The following NCKAP5 variants were observed in gnomAD, a reference collection of about 807,000 sequenced individuals.
NCKAP5 encodes nck-associated protein 5.
Under a neutral mutation model 167.0 loss-of-function variants are expected in NCKAP5, and 92 were observed. That is an observed-to-expected ratio of 0.55 (90% CI 0.47 to 0.66). NCKAP5 has a LOEUF of 0.66. NCKAP5 is among the 30% of genes least tolerant of loss of function. NCKAP5 has a pLI of 0.00. For missense variants in NCKAP5, 2,378 were observed against 2,315.0 expected, an observed-to-expected ratio of 1.03 and a Z score of -0.56; for synonymous variants, 891 against 877.4, an observed-to-expected ratio of 1.02 and a Z score of -0.27.
intron 3 of NCKAP5, among the ~76,000 whole-genome samples, chr2:133,305,282 G>T (rs1347252389): frequency 6.6e-6 from 1 of 152,108 alleles, no homozygotes; most frequent in East Asian, 1.9e-4. Flanking sequence ...AGAGACTGAG[G>T]TTCAAATCCT....
At chr2:133,624,822 A>G in the NCKAP5 span, among the ~76,000 whole-genome samples, 1 of 152,188 alleles carries the variant, frequency 6.6e-6, no homozygotes, top group South Asian at 2.1e-4. Context: ...CATATATATC[A>G]TATTCTTTTG....
intron 4 of NCKAP5, among the ~76,000 whole-genome samples, chr2:133,214,657 A>C (rs769659927): frequency 1.3e-5 from 2 of 152,120 alleles, no homozygotes; most frequent in Non-Finnish European, 2.9e-5. Flanking sequence ...ATTGTTCTTT[A>C]AAATAATTGA....
intron 3 of NCKAP5, among the ~76,000 whole-genome samples, chr2:133,305,317 T>C (rs1365497920): frequency 6.6e-6 from 1 of 152,172 alleles, no homozygotes; most frequent in Non-Finnish European, 1.5e-5. Flanking sequence ...CTAGCTATGT[T>C]CCCCTGGTCA....
intron 3 of NCKAP5, among the ~76,000 whole-genome samples, chr2:133,380,554 G>T (rs538567947): frequency 1.3e-4 from 20 of 152,332 alleles, no homozygotes; most frequent in Admixed American, 4.6e-4. Context: ...TGGAGCAGTT[G>T]TATTTTTCCA....
Position 132,860,592 on chromosome 2 carries a change from A to G in NCKAP5, c.707T>C (p.Val236Ala), listed in dbSNP as rs548509153. 18 of 1,576,918 alleles carry G rather than the reference A, an allele frequency of 1.1e-5. No homozygotes were observed. In the South Asian group the frequency reaches 2.0e-4, roughly 17 times the overall value. The change falls in exon 11 of 20, where the codon GTG (valine) becomes GCG (alanine). Residue 236 changes from valine to alanine, a missense_variant. Val to Ala is a moderately conservative substitution (Grantham distance 64, BLOSUM62 0). Coordinates refer to ENST00000409261, the MANE Select transcript of NCKAP5 (RefSeq NM_207363.3). Reference protein sequence around the residue: ...LTQKDLREECVKLKTRVFDLE... With the variant: ...LTQKDLREECAKLKTRVFDLE... ...ATCAAACACTCTTGTTTTCAACTTC[A>G]CACATTCCTCTCTTAGATCCTACAA... is the stretch of plus-strand genomic sequence containing the variant.
intron 19 of NCKAP5, among the ~76,000 whole-genome samples, chr2:132,722,095 G>A (rs58402863): frequency 0.057 from 8,666 of 152,224 alleles, 854 homozygotes; most frequent in African/African-American, 0.2. Context: ...TGTTCATCAT[G>A]AGGTCATCCA....
chr2:132,837,582 G>GT (rs756764193), intron 11 of NCKAP5, among the ~76,000 whole-genome samples: 25 of 151,032 alleles, frequency 1.7e-4, no homozygotes, highest in Non-Finnish European at 2.2e-4. Flanking sequence ...TTTTTCTTAT[G>GT]TTTTTTCAAT....
At chr2:133,338,160 T>G (rs1683338350) in intron 3 of NCKAP5, among the ~76,000 whole-genome samples, 3 of 152,190 alleles carry the variant, frequency 2.0e-5, no homozygotes, top group Admixed American at 1.3e-4. Context: ...ATTTCATAAT[T>G]TGGTTAAGAA....
intron 19 of NCKAP5, among the ~76,000 whole-genome samples, chr2:132,684,768 G>T (rs1454581994): frequency 2.0e-5 from 3 of 152,170 alleles, no homozygotes; most frequent in African/African-American, 7.2e-5. Flanking sequence ...GTAGGGTTGG[G>T]CTGAGTCTAT....
the NCKAP5 span, among the ~76,000 whole-genome samples, chr2:133,588,892 T>G: frequency 1.3e-5 from 2 of 152,102 alleles, no homozygotes; most frequent in South Asian, 4.1e-4. Context: ...GAGATGATCA[T>G]CTGTTTGGTG....
intron 3 of NCKAP5, among the ~76,000 whole-genome samples, chr2:133,361,408 C>A (rs1215726733): frequency 1.3e-5 from 2 of 152,174 alleles, no homozygotes; most frequent in African/African-American, 4.8e-5. Context: ...ACCCAAAGTC[C>A]TATTTTCATG....
intron 9 of NCKAP5, among the ~76,000 whole-genome samples, chr2:132,874,169 C>T (rs967693529): frequency 2.9e-5 from 4 of 137,472 alleles, no homozygotes; most frequent in Non-Finnish European, 6.0e-5. Context: ...AGTGCAGTGG[C>T]GCAATCTCAG....
chr2:133,574,033 G>A, the NCKAP5 span, among the ~76,000 whole-genome samples: 3 of 152,166 alleles, frequency 2.0e-5, no homozygotes, highest in Non-Finnish European at 4.4e-5. Context: ...TGTGTGCCCC[G>A]ATTGTCTAAA....
intron 11 of NCKAP5, among the ~76,000 whole-genome samples, chr2:132,844,478 G>T (rs984199188): frequency 6.6e-6 from 1 of 151,908 alleles, no homozygotes; most frequent in African/African-American, 2.4e-5. Flanking sequence ...ACGTATACAG[G>T]TATATTTATA....
intron 9 of NCKAP5, among the ~76,000 whole-genome samples, chr2:132,873,079 T>C (rs970926243): frequency 9.2e-5 from 14 of 152,178 alleles, no homozygotes; most frequent in African/African-American, 3.4e-4. Context: ...CATGTTCAGG[T>C]AAGCAGTTAA....
chr2:133,365,000 C>G (rs188616419), intron 3 of NCKAP5, among the ~76,000 whole-genome samples: 289 of 152,268 alleles, frequency 1.9e-3, no homozygotes, highest in African/African-American at 6.7e-3. Flanking sequence ...ATCCTTCTGC[C>G]TCTGCCTCCC....
intron 5 of NCKAP5, among the ~76,000 whole-genome samples, chr2:133,192,532 T>C (rs2085271954): frequency 6.6e-6 from 1 of 151,832 alleles, no homozygotes; most frequent in Non-Finnish European, 1.5e-5. Context: ...CCAGAATATA[T>C]AATGGACTCT....
At position 132,965,878 on chromosome 2, in the gene NCKAP5, C is replaced by A. The variant is rs189036466; in HGVS notation, c.430-2009G>T. On this transcript the variant is annotated intron_variant, in intron 7 of 19. Transcript: ENST00000409261. Reference sequence around the variant, plus strand: ...GTATAATCTTACGAGACCACCATCACACATCTTTATAAGGTACATGACTCT... The same window carrying A: ...GTATAATCTTACGAGACCACCATCAAACATCTTTATAAGGTACATGACTCT... Among the ~76,000 whole-genome samples the A allele has an allele frequency of 1.6e-4, 24 of 151,460 alleles. No homozygotes were observed. The East Asian group carries it at 4.5e-3, about 28-fold the overall frequency.
At chr2:132,988,460 C>CAAAAAAA (rs57024269) in intron 7 of NCKAP5, among the ~76,000 whole-genome samples, 2 of 70,620 alleles carry the variant, frequency 2.8e-5, no homozygotes, top group African/African-American at 5.0e-5. Context: ...GACTTTGCCT[C>CAAAAAAA]AAAAAAAAAA....
Sources: allele counts gnomAD v4.1 joint callset (sites outside exome capture counted in the v4.1 genomes callset), GRCh38; gene constraint gnomAD v4.1.1; transcripts MANE v1.5; gene names NCBI Gene and HGNC (gene_info 2026-07-23, HGNC 2026-07-21).